PTPN14: variants seen among roughly 807,000 people sequenced by gnomAD.
PTPN14 encodes the protein tyrosine-protein phosphatase non-receptor type 14.
Under a neutral mutation model 126.8 loss-of-function variants are expected in PTPN14, and 53 were observed. The ratio of observed to expected loss-of-function variants is 0.42; its 90% CI spans 0.34 to 0.53. PTPN14 has a LOEUF of 0.53. Among genes scored for constraint, PTPN14 ranks in the 20% least tolerant of loss-of-function variants. PTPN14 has a pLI of 0.08. For missense variants in PTPN14, 1,257 were observed against 1,552.9 expected, an observed-to-expected ratio of 0.81 and a Z score of 3.20; for synonymous variants, 630 against 599.3, an observed-to-expected ratio of 1.05 and a Z score of -0.75.
At chr1:214,380,060 C>A (rs1658437193) in intron 13 of PTPN14, among the ~76,000 whole-genome samples, 1 of 152,338 alleles carries the variant, frequency 6.6e-6, no homozygotes, top group African/African-American at 2.4e-5. Context: ...TTCTCGGGAA[C>A]CCCCTGGGGG....
intron 1 of PTPN14, among the ~76,000 whole-genome samples, chr1:214,546,707 C>T (rs1655977490): frequency 6.6e-6 from 1 of 152,132 alleles, no homozygotes; most frequent in Admixed American, 6.6e-5. Flanking sequence ...ACGGGATGGC[C>T]AGCTAGGGTT....
rs369491846 is a variant in PTPN14 at position 214,464,607 on chromosome 1, G to A, written c.174+23C>T. ...CCAACACGCATGCACGCGCACATGC[G>A]CACACAGACACACCCCTCTTACCTC... On this transcript the variant is annotated intron_variant, in intron 2 of 18. Transcript: ENST00000366956. 73 of 1,610,820 alleles carry A rather than the reference G, an allele frequency of 4.5e-5. No individual in the cohort carries two copies. In the East Asian group the frequency reaches 8.3e-4, roughly 18 times the overall value.
At chr1:214,460,295 T>C (rs1348302745) in intron 2 of PTPN14, among the ~76,000 whole-genome samples, 1 of 152,148 alleles carries the variant, frequency 6.6e-6, no homozygotes, top group Non-Finnish European at 1.5e-5. Flanking sequence ...CCTATAGATC[T>C]AGTTAAAACT....
At position 214,396,301 on chromosome 1, in the gene PTPN14, G is replaced by A. The variant is rs563960541; in HGVS notation, c.759-1315C>T. 1.8e-4 allele frequency among the ~76,000 whole-genome samples: 27 copies of A among 152,178 alleles called. No homozygotes were observed. The South Asian group carries it at 4.6e-3, about 26-fold the overall frequency. On this transcript the variant is annotated intron_variant, in intron 8 of 18. Transcript: ENST00000366956. ...CAAGGATGGATGAGCTCTTTACCTGGGGTTTCCAGCCTTTCCTCCAGTCAT... is the reference window on the plus strand; with the variant it reads ...CAAGGATGGATGAGCTCTTTACCTGAGGTTTCCAGCCTTTCCTCCAGTCAT...
chr1:214,454,953 A>G (rs1660351333), intron 2 of PTPN14, among the ~76,000 whole-genome samples: 3 of 151,164 alleles, frequency 2.0e-5, no homozygotes, highest in Admixed American at 2.0e-4. Context: ...CAGGAAGAAA[A>G]GTCCATCCCC....
chr1:214,459,319 AT>A (rs1442791088), intron 2 of PTPN14, among the ~76,000 whole-genome samples: 1 of 151,138 alleles, frequency 6.6e-6, no homozygotes, highest in Non-Finnish European at 1.5e-5. Context: ...TGCCCGGGTA[AT>A]TTCTGTATTT....
At chr1:214,372,880 C>T (rs1033703965) in intron 15 of PTPN14, 41 bp from the exon 16 acceptor site, 40 of 1,609,364 alleles carry the variant, frequency 2.5e-5, no homozygotes, top group Non-Finnish European at 2.3e-5. Flanking sequence ...ACCCCAAGTC[C>T]GGACAACATT....
At chr1:214,472,491 GGTATT>G (rs1305581927) in intron 1 of PTPN14, among the ~76,000 whole-genome samples, 1 of 152,112 alleles carries the variant, frequency 6.6e-6, no homozygotes, top group Non-Finnish European at 1.5e-5. Flanking sequence ...CCCAGTCTCA[GGTATT>G]TCTTCATAGC....
intron 17 of PTPN14, among the ~76,000 whole-genome samples, chr1:214,368,229 AT>A (rs983444412): frequency 6.3e-4 from 16 of 25,422 alleles, no homozygotes; most frequent in Admixed American, 1.3e-3. Context: ...TATTTTTGAG[AT>A]GGAGTTTTGC....
chr1:214,515,524 G>C (rs1655078572), intron 1 of PTPN14, among the ~76,000 whole-genome samples: 1 of 152,064 alleles, frequency 6.6e-6, no homozygotes, highest in Non-Finnish European at 1.5e-5. Context: ...TTTTAGTAAA[G>C]ATTGCACTGA....
chr1:214,403,730 TAATCCAAAATA>T (rs1659093276), intron 5 of PTPN14, among the ~76,000 whole-genome samples: 1 of 152,158 alleles, frequency 6.6e-6, no homozygotes, highest in Non-Finnish European at 1.5e-5. Flanking sequence ...TCAAGAGGAA[TAATCCAAAATA>T]AGCAGACCGA....
At chr1:214,511,844 C>T (rs1229003500) in intron 1 of PTPN14, among the ~76,000 whole-genome samples, 2 of 152,202 alleles carry the variant, frequency 1.3e-5, no homozygotes, top group Admixed American at 6.5e-5. Context: ...AATCCTGATA[C>T]ATGCTACAAC....
At chr1:214,495,845 C>T (rs953590219) in intron 1 of PTPN14, among the ~76,000 whole-genome samples, 7 of 152,124 alleles carry the variant, frequency 4.6e-5, no homozygotes, top group Admixed American at 3.3e-4. Flanking sequence ...CAGGCACACG[C>T]CACCATGCCC....
intron 1 of PTPN14, among the ~76,000 whole-genome samples, chr1:214,517,107 C>T (rs763795327): frequency 3.3e-5 from 5 of 152,162 alleles, no homozygotes; most frequent in African/African-American, 4.8e-5. Context: ...CAAATGTAAT[C>T]GGTCCTACCT....
intron 3 of PTPN14, among the ~76,000 whole-genome samples, chr1:214,427,077 G>A (rs570776501): frequency 3.5e-4 from 53 of 152,020 alleles, no homozygotes; most frequent in African/African-American, 1.2e-3. Flanking sequence ...TCAGGAGATC[G>A]AGACCATCCT....
intron 5 of PTPN14, among the ~76,000 whole-genome samples, chr1:214,403,184 C>T (rs1659076379): frequency 1.3e-5 from 2 of 152,174 alleles, no homozygotes; most frequent in East Asian, 3.9e-4. Flanking sequence ...TTTTGGGTTG[C>T]CGCGTAAGTT....
At chr1:214,460,045 A>T (rs539494818) in intron 2 of PTPN14, among the ~76,000 whole-genome samples, 9 of 152,316 alleles carry the variant, frequency 5.9e-5, no homozygotes, top group East Asian at 5.8e-4. Context: ...GTCTCTGGGA[A>T]CTGGAACAGT....
chr1:214,469,877 C>T (rs1384162732), intron 1 of PTPN14, among the ~76,000 whole-genome samples: 1 of 151,714 alleles, frequency 6.6e-6, no homozygotes, highest in Non-Finnish European at 1.5e-5. Context: ...TTCTGTGAAC[C>T]TAAAAGTGCT....
chr1:214,405,698 G>T (rs955438126), intron 5 of PTPN14, among the ~76,000 whole-genome samples: 100 of 151,428 alleles, frequency 6.6e-4, no homozygotes, highest in African/African-American at 2.4e-3. Context: ...CAGAATAATA[G>T]TGCTAATAAC....
Sources: gnomAD v4.1 joint callset for allele counts (sites outside exome capture counted in the v4.1 genomes callset) on GRCh38, gnomAD v4.1.1 for gene constraint, MANE v1.5 for transcripts, NCBI Gene and HGNC (gene_info 2026-07-23, HGNC 2026-07-21) for gene names.